AHI1: variants seen among roughly 807,000 people sequenced by gnomAD.
The protein encoded by AHI1 is jouberin.
AHI1 carries 123 observed loss-of-function variants against 149.3 expected under a neutral mutation model. The observed-to-expected ratio is 0.82, with a 90% CI of 0.71 to 0.96. The LOEUF (loss-of-function observed/expected upper bound fraction) is 0.96, where lower values mean the gene tolerates loss of function less well. Ranked by LOEUF, AHI1 falls within the 40% of genes least tolerant of loss-of-function variation. AHI1 has a pLI of 0.00. For synonymous variants in AHI1, 475 were observed against 459.8 expected (o/e 1.03, Z -0.42); for missense variants, 1,439 against 1,422.7 (o/e 1.01, Z -0.18).
Position 135,465,850 on chromosome 6 carries a change from T to C in AHI1, c.713A>G (p.Lys238Arg). ...TTTAGAGAAGACTGGAACTTCCTTT[T>C]TCTTTTTCCTTTTTTCACTGCTTAG... is the stretch of plus-strand genomic sequence containing the variant. ...DKLSSEKRKKKKEVPVFSKAE... is the reference protein window; with the variant it reads ...DKLSSEKRKKRKEVPVFSKAE... Residue 238 changes from lysine (K) to arginine (R), a missense_variant, in exon 7 of 29, where the codon AAA (lysine) becomes AGA (arginine). By Grantham distance (26) the Lys-to-Arg change is conservative (BLOSUM62 2). Transcript: ENST00000265602. The C allele has an allele frequency of 1.3e-6, 2 of 1,484,988 alleles. No homozygotes were observed. The highest frequency in any genetic ancestry group is 1.8e-6 in the Non-Finnish European group (2 of 1,121,510). 92.0% of individuals were successfully genotyped at this position (1,484,988 alleles called of 1,614,324 possible). A position where few individuals can be genotyped will look rare whatever the true frequency, so the allele number is the denominator to read the frequency against.
At chr6:135,401,461 C>G (rs933351488) in intron 22 of AHI1, among the ~76,000 whole-genome samples, 6 of 152,006 alleles carry the variant, frequency 3.9e-5, no homozygotes, top group Admixed American at 3.9e-4. Flanking sequence ...TGTAGAAGGG[C>G]AAAAACTTAT....
intron 24 of AHI1, among the ~76,000 whole-genome samples, chr6:135,334,634 C>A (rs1216280789): frequency 6.6e-6 from 1 of 152,148 alleles, no homozygotes; most frequent in Non-Finnish European, 1.5e-5. Flanking sequence ...AAAATAACAT[C>A]TTTTTATTGG....
chr6:135,287,643 T>C (rs544934773), intron 28 of AHI1, among the ~76,000 whole-genome samples: 1 of 152,330 alleles, frequency 6.6e-6, no homozygotes, highest in South Asian at 2.1e-4. Flanking sequence ...AGTATCTCTG[T>C]AATCTAACAG....
chr6:135,295,494 C>T (rs2142956), intron 27 of AHI1, among the ~76,000 whole-genome samples: 30,688 of 151,986 alleles, frequency 0.2, 8,077 homozygotes, highest in African/African-American at 0.61. Flanking sequence ...CCTATGTTCA[C>T]ACAAAGACTT....
In AHI1 at chr6:135,457,662, CTTG is replaced by C. The variant is rs1342131818; in HGVS notation, c.980_982del (p.Thr327del). 6.2e-7 allele frequency: 1 copy of C among 1,613,750 alleles called. No homozygotes were observed. The highest frequency in any genetic ancestry group is 1.1e-5 in the South Asian group (1 of 91,084). On this transcript the variant is annotated inframe_deletion, in exon 9 of 29. Transcript: ENST00000265602. ...TTTGGGATAAACCGGGCTATCTCGG[CTTG>C]TTATTTCATGAACACCATCACCATC... is the stretch of plus-strand genomic sequence containing the variant.
chr6:135,367,517 A>G (rs958796900), intron 23 of AHI1, among the ~76,000 whole-genome samples: 8 of 151,964 alleles, frequency 5.3e-5, no homozygotes, highest in Admixed American at 4.6e-4. Flanking sequence ...GTCATTTAAC[A>G]TAATACCAAA....
intron 24 of AHI1, among the ~76,000 whole-genome samples, chr6:135,335,277 T>C (rs1789209253): frequency 6.6e-6 from 1 of 152,158 alleles, no homozygotes; most frequent in Non-Finnish European, 1.5e-5. Flanking sequence ...ACTAGGAGTA[T>C]AGTATATAAT....
intron 23 of AHI1, among the ~76,000 whole-genome samples, chr6:135,373,331 AG>A (rs1184848343): frequency 6.6e-6 from 1 of 152,214 alleles, no homozygotes; most frequent in Non-Finnish European, 1.5e-5. Flanking sequence ...TTTGTAGTGT[AG>A]GAACAGTTGG....
chr6:135,465,892 A>G lies in AHI1; in HGVS notation c.671T>C (p.Leu224Ser). 6.4e-7 allele frequency: 1 copy of G among 1,567,604 alleles called. No homozygotes were observed. Among genetic ancestry groups the G allele is most frequent in the South Asian group, 1.2e-5 (1 of 80,890 alleles). ...ACTGCTTAGTTTGTCATCATGGAATAAAGTATCTGAGGGAAAGTAAGTCAA... is the reference window on the plus strand; with the variant it reads ...ACTGCTTAGTTTGTCATCATGGAATGAAGTATCTGAGGGAAAGTAAGTCAA... ...EQLTYFPSDT[L>S]FHDDKLSSEK... Residue 224 changes from leucine (L) to serine (S), a missense_variant, in exon 7 of 29, where the codon TTA (leucine) becomes TCA (serine). Coordinates refer to ENST00000265602, the MANE Select transcript of AHI1 (RefSeq NM_001134831.2).
At chr6:135,364,487 G>A (rs1476141431) in intron 23 of AHI1, among the ~76,000 whole-genome samples, 12 of 150,216 alleles carry the variant, frequency 8.0e-5, no homozygotes, top group Non-Finnish European at 1.5e-4. Context: ...TCCCAGACGG[G>A]GTGGCGGCCG....
intron 27 of AHI1, chr6:135,297,403 C>T (rs1420001303): frequency 2.2e-6 from 1 of 455,994 alleles, no homozygotes; most frequent in Non-Finnish European, 4.4e-6. Flanking sequence ...AATGCCCTCC[C>T]ATGAGGCAGA....
chr6:135,350,360 C>T (rs1257964535), intron 24 of AHI1, among the ~76,000 whole-genome samples: 2 of 152,142 alleles, frequency 1.3e-5, no homozygotes, highest in African/African-American at 2.4e-5. Context: ...CCCTTTCTAC[C>T]ATTTGTCTTC....
intron 25 of AHI1, among the ~76,000 whole-genome samples, chr6:135,320,522 G>A (rs375838147): frequency 2.0e-4 from 31 of 152,246 alleles, no homozygotes; most frequent in Middle Eastern, 3.4e-3. Context: ...AACTCTTGGC[G>A]TCAAGTGATC....
At chr6:135,407,582 C>G (rs1780969804) in intron 21 of AHI1, among the ~76,000 whole-genome samples, 3 of 152,008 alleles carry the variant, frequency 2.0e-5, no homozygotes, top group Admixed American at 2.0e-4. Flanking sequence ...TACCTCAATA[C>G]CAAAGCAGAC....
intron 27 of AHI1, among the ~76,000 whole-genome samples, chr6:135,292,151 C>G (rs764407869): frequency 2.6e-5 from 4 of 152,100 alleles, no homozygotes; most frequent in African/African-American, 4.8e-5. Context: ...AACACACACA[C>G]ACAAAGACCC....
In AHI1 at chr6:135,448,458, T is replaced by A. The variant is rs371835751; in HGVS notation, c.1458A>T (p.Gly486=). The A allele has an allele frequency of 3.1e-5, 47 of 1,521,242 alleles. No homozygotes were observed. The highest frequency in any genetic ancestry group is 4.1e-5 in the Non-Finnish European group (46 of 1,118,566). The allele number at this position is 1,521,242 out of a possible 1,614,324, so 94.2% of individuals were successfully genotyped here. A position where few individuals can be genotyped will look rare whatever the true frequency, so the allele number is the denominator to read the frequency against. Residue 486 remains glycine (G), a synonymous_variant, in exon 12 of 29, where the codon GGA becomes GGT. Coordinates refer to ENST00000265602, the MANE Select transcript of AHI1 (RefSeq NM_001134831.2). The part of the protein sequence containing the change: ...WAFLKLLGAN[G]NANINSKLRL... ...GAAGTTTTGAGTTGATGTTTGCATT[T>A]CCATTGGCTCCCAGAAGCTTAAAAT... is the stretch of plus-strand genomic sequence containing the variant.
intron 26 of AHI1, among the ~76,000 whole-genome samples, chr6:135,308,197 G>A (rs9494218): frequency 0.11 from 17,395 of 152,122 alleles, 3,156 homozygotes; most frequent in African/African-American, 0.39. Flanking sequence ...TAGATCTGTA[G>A]CAGACTTTTA....
intron 5 of AHI1, among the ~76,000 whole-genome samples, chr6:135,468,746 T>C (rs1189567344): frequency 6.6e-6 from 1 of 152,024 alleles, no homozygotes; most frequent in African/African-American, 2.4e-5. Flanking sequence ...CTAGAAAATC[T>C]AGAAAAGATG....
In AHI1 at chr6:135,403,972, C is replaced by T. The variant is rs538190504; in HGVS notation, c.2988+979G>A. On this transcript the variant is annotated intron_variant, in intron 22 of 28. Coordinates refer to ENST00000265602, the MANE Select transcript of AHI1 (RefSeq NM_001134831.2). ...GCCCCATCAGGAAAGCGACAATAGC[C>T]TATTGCATTCCAAGTGCCTACTACC... 1.1e-4 allele frequency among the ~76,000 whole-genome samples: 17 copies of T among 151,832 alleles called. 1 individual carries two copies. In the South Asian group the frequency reaches 2.7e-3, roughly 24 times the overall value.
Sources: gnomAD v4.1 joint callset for allele counts (sites outside exome capture counted in the v4.1 genomes callset) on GRCh38, gnomAD v4.1.1 for gene constraint, MANE v1.5 for transcripts, NCBI Gene and HGNC (gene_info 2026-07-23, HGNC 2026-07-21) for gene names.